DGKI: variants seen among roughly 807,000 people sequenced by gnomAD.
DGKI encodes the protein DAG kinase iota.
Under a neutral mutation model 147.5 loss-of-function variants are expected in DGKI, and 55 were observed. The ratio of observed to expected loss-of-function variants is 0.37; its 90% CI spans 0.30 to 0.47. The LOEUF (loss-of-function observed/expected upper bound fraction) is 0.47. DGKI is among the 20% of genes least tolerant of loss of function. DGKI has a pLI of 1.00. For missense variants in DGKI, 1,007 were observed against 1,323.8 expected (o/e 0.76, Z 3.71); for synonymous variants, 469 against 477.1 (o/e 0.98, Z 0.22).
intron 31 of DGKI, among the ~76,000 whole-genome samples, chr7:137,396,548 A>G (rs528905984): frequency 6.6e-6 from 1 of 152,334 alleles, no homozygotes; most frequent in South Asian, 2.1e-4. Context: ...AATCTTGCCA[A>G]TAGGATGTGC....
At chr7:137,794,931 G>A (rs528674012) in intron 1 of DGKI, among the ~76,000 whole-genome samples, 6 of 152,274 alleles carry the variant, frequency 3.9e-5, no homozygotes, top group East Asian at 1.9e-4. Context: ...AGACTTCATC[G>A]TCCAGCTACG....
At position 137,518,085 on chromosome 7, in the gene DGKI, T is replaced by C. The variant is rs551968666; in HGVS notation, c.2248+3781A>G. Among the ~76,000 whole-genome samples the C allele has an allele frequency of 4.6e-5, 7 of 152,160 alleles. No homozygotes were observed. The South Asian group carries it at 1.5e-3, about 32-fold the overall frequency. On this transcript the variant is annotated intron_variant, in intron 21 of 32. Coordinates refer to ENST00000614521, the MANE Select transcript of DGKI (RefSeq NM_001321708.2). ...CTATGACCTACTTTGAGTCTGGTTTTATGGACTTGAAGACTGATGAGCAGT... is the reference window on the plus strand; with the variant it reads ...CTATGACCTACTTTGAGTCTGGTTTCATGGACTTGAAGACTGATGAGCAGT...
chr7:137,616,279 C>G (rs940146716), intron 8 of DGKI, among the ~76,000 whole-genome samples: 2 of 152,100 alleles, frequency 1.3e-5, no homozygotes, highest in East Asian at 3.8e-4. Context: ...TCATAGGATA[C>G]TATGATGATA....
intron 15 of DGKI, among the ~76,000 whole-genome samples, chr7:137,581,641 G>T (rs1443464468): frequency 6.6e-6 from 1 of 151,842 alleles, no homozygotes; most frequent in East Asian, 1.9e-4. Context: ...TAGGTCTCAG[G>T]GTCCCATTTG....
chr7:137,699,640 G>A (rs1823909786), intron 1 of DGKI, among the ~76,000 whole-genome samples: 1 of 152,152 alleles, frequency 6.6e-6, no homozygotes, highest in African/African-American at 2.4e-5. Context: ...ATAACCTTAA[G>A]AACATAAGCC....
At chr7:137,600,057 G>A (rs1819934410) in intron 10 of DGKI, 152 bp from the exon 11 acceptor site, 2 of 653,280 alleles carry the variant, frequency 3.1e-6, no homozygotes, top group South Asian at 2.2e-5. Flanking sequence ...GCTGACGCAG[G>A]TGGATCACTT....
At chr7:137,577,157 T>A (rs1049121484) in intron 17 of DGKI, 65 bp downstream of exon 17, 1 of 1,133,668 alleles carries the variant, frequency 8.8e-7, no homozygotes. Context: ...AACTAAGTAT[T>A]TGGGAGTTTT....
intron 1 of DGKI, among the ~76,000 whole-genome samples, chr7:137,798,797 A>T (rs866974732): frequency 1.2e-4 from 18 of 152,180 alleles, no homozygotes; most frequent in African/African-American, 4.1e-4. Context: ...AAAGGATTAT[A>T]CCTATGATCA....
rs1393820647 is a variant in DGKI, at chr7:137,472,373, T to TTATA, written c.2374-2758_2374-2755dup. 3.7e-4 allele frequency among the ~76,000 whole-genome samples: 45 copies of TTATA among 122,836 alleles called. 2 individuals are homozygous for TTATA. The highest frequency in any genetic ancestry group is 1.1e-3 in the African/African-American group (31 of 26,988). The allele number at this position is 122,836 out of a possible 152,430, so 80.6% of individuals were successfully genotyped here. On this transcript the variant is annotated intron_variant, in intron 23 of 32. Transcript: ENST00000614521. ...TTATATGTATATATACATATAATTA[T>TTATA]TATATGTATATATACATATTATAAT...
chr7:137,507,242 T>C (rs529700096), intron 21 of DGKI, among the ~76,000 whole-genome samples: 1 of 152,346 alleles, frequency 6.6e-6, no homozygotes, highest in East Asian at 1.9e-4. Context: ...TAAAAGTAAT[T>C]ATAGAGTTTG....
chr7:137,768,711 T>C (rs927324702), intron 1 of DGKI, among the ~76,000 whole-genome samples: 5 of 152,142 alleles, frequency 3.3e-5, no homozygotes, highest in African/African-American at 7.2e-5. Context: ...GGCCCCTGTT[T>C]CCCCATATCC....
intron 21 of DGKI, among the ~76,000 whole-genome samples, chr7:137,515,278 T>A (rs1816711383): frequency 6.6e-6 from 1 of 152,200 alleles, no homozygotes; most frequent in Admixed American, 6.5e-5. Context: ...TAGCACTTGC[T>A]GCCATATTGT....
chr7:137,430,897 C>CA (rs1457337316), intron 28 of DGKI, among the ~76,000 whole-genome samples: 1 of 152,078 alleles, frequency 6.6e-6, no homozygotes, highest in African/African-American at 2.4e-5. Context: ...ATTCAGGACT[C>CA]AGAGGGGAGT....
At chr7:137,837,062 T>C (rs2117093077) in intron 1 of DGKI, among the ~76,000 whole-genome samples, 1 of 152,334 alleles carries the variant, frequency 6.6e-6, no homozygotes, top group African/African-American at 2.4e-5. Context: ...TATGCAAATA[T>C]GGGCACAGAT....
In DGKI at chr7:137,521,748, C is replaced by T. The variant is rs573047122; in HGVS notation, c.2248+118G>A. Reference sequence around the variant, plus strand: ...CCACATGTTACTGTGTTTCACTTCACTTCTCTAACCATGATTTTCAGGCAC... The same window carrying T: ...CCACATGTTACTGTGTTTCACTTCATTTCTCTAACCATGATTTTCAGGCAC... On this transcript the variant is annotated intron_variant, in intron 21 of 32. Coordinates refer to ENST00000614521, the MANE Select transcript of DGKI (RefSeq NM_001321708.2). 1.2e-4 allele frequency: 89 copies of T among 736,202 alleles called. No individual in the cohort carries two copies. In the African/African-American group the frequency reaches 1.5e-3, roughly 12 times the overall value. The allele number at this position is 736,202 out of a possible 1,614,324, so 45.6% of individuals were successfully genotyped here.
At chr7:137,455,710 A>G (rs1404976012) in intron 27 of DGKI, among the ~76,000 whole-genome samples, 1 of 151,028 alleles carries the variant, frequency 6.6e-6, no homozygotes, top group Non-Finnish European at 1.5e-5. Context: ...TGGTGTGGAG[A>G]TATCTCTTGT....
chr7:137,623,671 A>G (rs1585298474), intron 6 of DGKI, 117 bp from the exon 7 acceptor site: 2 of 809,102 alleles, frequency 2.5e-6, no homozygotes, highest in East Asian at 5.0e-5. Context: ...GTCACCCACC[A>G]CTGGAGGTAA....
intron 5 of DGKI, among the ~76,000 whole-genome samples, chr7:137,650,427 GT>G (rs1821984018): frequency 1.3e-5 from 2 of 152,210 alleles, no homozygotes; most frequent in Admixed American, 6.5e-5. Context: ...AATATGCTAT[GT>G]ATTTAAAGGT....
chr7:137,643,555 C>A (rs1247898281), intron 6 of DGKI, among the ~76,000 whole-genome samples: 1 of 152,140 alleles, frequency 6.6e-6, no homozygotes, highest in African/African-American at 2.4e-5. Flanking sequence ...ATTATAAACA[C>A]AAGAGATGAC....
Sources: gnomAD v4.1 joint callset for allele counts (sites outside exome capture counted in the v4.1 genomes callset) on GRCh38, gnomAD v4.1.1 for gene constraint, MANE v1.5 for transcripts, NCBI Gene and HGNC (gene_info 2026-07-23, HGNC 2026-07-21) for gene names.